SETDB2: variants seen among roughly 807,000 people sequenced by gnomAD.
The protein encoded by SETDB2 is SET domain bifurcated histone lysine methyltransferase 2, also known as histone-lysine N-methyltransferase SETDB2.
Under a neutral mutation model 82.5 loss-of-function variants are expected in SETDB2, and 56 were observed. That is an observed-to-expected ratio of 0.68 (90% CI 0.55 to 0.85). SETDB2 has a LOEUF of 0.85. SETDB2 is among the 40% of genes least tolerant of loss of function. The pLI, the probability that SETDB2 is intolerant of heterozygous loss-of-function variation, is 0.00. For missense variants in SETDB2, 677 were observed against 816.4 expected, an observed-to-expected ratio of 0.83 and a Z score of 2.08; for synonymous variants, 272 against 284.9, an observed-to-expected ratio of 0.95 and a Z score of 0.46.
At chr13:49,489,667 G>C (rs1958665981) in intron 12 of SETDB2, among the ~76,000 whole-genome samples, 1 of 135,094 alleles carries the variant, frequency 7.4e-6, no homozygotes, top group Non-Finnish European at 1.5e-5. Flanking sequence ...TGTGATCTCG[G>C]CCCACTGCGA....
chr13:49,471,420 CT>C (rs200346844), intron 5 of SETDB2, among the ~76,000 whole-genome samples: 16,692 of 132,640 alleles, frequency 0.13, 886 homozygotes, highest in East Asian at 0.19. Context: ...TCTGAATTCC[CT>C]TTTTTTTTTT....
chr13:49,465,625 C>T (rs1427382651), intron 4 of SETDB2, among the ~76,000 whole-genome samples: 3 of 152,106 alleles, frequency 2.0e-5, no homozygotes, highest in African/African-American at 4.8e-5. Flanking sequence ...CAACTTCCGC[C>T]TCCCGGGTTC....
At chr13:49,467,645 G>T (rs1958143695) in intron 4 of SETDB2, among the ~76,000 whole-genome samples, 1 of 152,192 alleles carries the variant, frequency 6.6e-6, no homozygotes, top group Non-Finnish European at 1.5e-5. Context: ...AGTTTCTACA[G>T]TAGAAATCTT....
rs1958717835 is a variant in SETDB2, at chr13:49,491,782, G to C, written c.2057G>C (p.Gly686Ala). 1 of 1,613,232 alleles carries C rather than the reference G, an allele frequency of 6.2e-7. No individual in the cohort carries two copies. Among genetic ancestry groups the C allele is most frequent in the Non-Finnish European group, 8.5e-7 (1 of 1,179,844 alleles). ...ACATGGGATTATGGCTATGAAGCTG[G>C]GACTGTGCCTGAGAAGGAAATCTTC... ...ELTWDYGYEA[G>A]TVPEKEIFCQ... Residue 686 changes from glycine to alanine, a missense_variant, in exon 14 of 14, where the codon GGG (glycine) becomes GCG (alanine). Around this residue, in one of 3 missense-constraint regions of SETDB2, gnomAD observed 420 missense variants for 554.6 expected, o/e 0.76. Coordinates refer to ENST00000611815, the MANE Select transcript of SETDB2 (RefSeq NM_001160308.3).
chr13:49,463,936 G>A, intron 4 of SETDB2: 1 of 704,914 alleles, frequency 1.4e-6, no homozygotes, highest in South Asian at 1.5e-5. Context: ...GCCTATTGCT[G>A]CCTCTGGGAT....
chr13:49,459,144 A>G (rs532288834), intron 2 of SETDB2, among the ~76,000 whole-genome samples: 1 of 152,184 alleles, frequency 6.6e-6, no homozygotes, highest in African/African-American at 2.4e-5. Context: ...AGAGGCCACT[A>G]TGTTGGCAGC....
At chr13:49,448,140 AG>A (rs1371322042) in intron 1 of SETDB2, among the ~76,000 whole-genome samples, 1 of 152,156 alleles carries the variant, frequency 6.6e-6, no homozygotes, top group Non-Finnish European at 1.5e-5. Context: ...TAATGGACCT[AG>A]TGAACTAGCA....
Position 49,444,807 on chromosome 13 carries a change from A to T in SETDB2, c.-392A>T, listed in dbSNP as rs932074189. On this transcript the variant is annotated 5_prime_UTR_variant, in exon 1 of 14. Transcript: ENST00000611815. ...GGGGCGGCAGGAAATGGACAGCAGTATAAAACCCAGAAGCAGAACTTGAAG... is the reference window on the plus strand; with the variant it reads ...GGGGCGGCAGGAAATGGACAGCAGTTTAAAACCCAGAAGCAGAACTTGAAG... The T allele has an allele frequency of 6.6e-6, 1 of 152,452 alleles. No homozygotes were observed. The highest frequency in any genetic ancestry group is 2.4e-5 in the African/African-American group (1 of 41,460). 9.4% of individuals were successfully genotyped at this position (152,452 alleles called of 1,614,324 possible). A position where few individuals can be genotyped will look rare whatever the true frequency, so the allele number is the denominator to read the frequency against.
chr13:49,490,924 T>C lies in SETDB2; in HGVS notation c.2006+14T>C. 1 of 1,594,888 alleles carries C rather than the reference T, an allele frequency of 6.3e-7. No homozygotes were observed. The highest frequency in any genetic ancestry group is 8.6e-7 in the Non-Finnish European group (1 of 1,163,098). On this transcript the variant is annotated intron_variant, in intron 13 of 13. Transcript: ENST00000611815. ...CTTCACCAACAGGTTTGAAATTGAT[T>C]TCGCTTACTTAATTCTGAAATTGTG...
chr13:49,490,958 A>C, intron 13 of SETDB2, 48 bp downstream of exon 13: 1 of 1,493,386 alleles, frequency 6.7e-7, no homozygotes, highest in Non-Finnish European at 9.3e-7. Flanking sequence ...TGACTTTAAA[A>C]ATAACAATAG....
At chr13:49,471,135 A>G (rs956324619) in intron 5 of SETDB2, among the ~76,000 whole-genome samples, 2 of 126,500 alleles carry the variant, frequency 1.6e-5, no homozygotes, top group African/African-American at 5.6e-5. Flanking sequence ...ACACCTGGCT[A>G]ATTTTTAACA....
chr13:49,491,485 C>CA (rs1056937699), intron 13 of SETDB2, among the ~76,000 whole-genome samples: 1 of 152,194 alleles, frequency 6.6e-6, no homozygotes, highest in Non-Finnish European at 1.5e-5. Context: ...GACTGGGTCC[C>CA]ACTGTTGGCA....
At chr13:49,471,551 C>T (rs1486273902) in intron 5 of SETDB2, among the ~76,000 whole-genome samples, 1 of 151,518 alleles carries the variant, frequency 6.6e-6, no homozygotes, top group Non-Finnish European at 1.5e-5. Flanking sequence ...TACTGGGTGA[C>T]ACTGGGCTTG....
chr13:49,451,855 A>G lies in SETDB2; in HGVS notation c.-39A>G. ...GCAATCAAAGTGATTTGATAAACCTAATTTTGAAGCATTTTATATTTATAA... is the reference window on the plus strand; with the variant it reads ...GCAATCAAAGTGATTTGATAAACCTGATTTTGAAGCATTTTATATTTATAA... On this transcript the variant is annotated 5_prime_UTR_variant, in exon 2 of 14. Coordinates refer to ENST00000611815, the MANE Select transcript of SETDB2 (RefSeq NM_001160308.3). The G allele has an allele frequency of 6.4e-7, 1 of 1,552,138 alleles. No homozygotes were observed. Among genetic ancestry groups the G allele is most frequent in the Non-Finnish European group, 8.8e-7 (1 of 1,134,578 alleles).
At chr13:49,456,943 A>G (rs907938798) in intron 2 of SETDB2, among the ~76,000 whole-genome samples, 1 of 152,228 alleles carries the variant, frequency 6.6e-6, no homozygotes, top group African/African-American at 2.4e-5. Flanking sequence ...AAACCTAGCA[A>G]TATGAGATAA....
chr13:49,447,663 A>T (rs1416720843), intron 1 of SETDB2, among the ~76,000 whole-genome samples: 2 of 152,084 alleles, frequency 1.3e-5, no homozygotes, highest in African/African-American at 2.4e-5. Context: ...TTGCCTGTTA[A>T]TATAAGCATT....
chr13:49,479,272 GA>G (rs1412773297), intron 6 of SETDB2, among the ~76,000 whole-genome samples: 1 of 152,104 alleles, frequency 6.6e-6, no homozygotes, highest in Non-Finnish European at 1.5e-5. Flanking sequence ...TATATACAGG[GA>G]AGAGAACTAG....
chr13:49,449,844 T>C (rs922895148), intron 1 of SETDB2, among the ~76,000 whole-genome samples: 1 of 152,246 alleles, frequency 6.6e-6, no homozygotes, highest in Non-Finnish European at 1.5e-5. Context: ...TGCTCACTAT[T>C]GCTACGTATA....
chr13:49,490,750 T>C (rs1188657449), intron 12 of SETDB2, 72 bp from the exon 13 acceptor site: 2 of 1,100,954 alleles, frequency 1.8e-6, no homozygotes, highest in African/African-American at 1.6e-5. Context: ...ACAGAATGGT[T>C]TTCTAATGCA....
Sources: allele counts gnomAD v4.1 joint callset (sites outside exome capture counted in the v4.1 genomes callset), GRCh38; gene constraint gnomAD v4.1.1; regional missense constraint gnomAD v4.1.1; transcripts MANE v1.5; gene names NCBI Gene and HGNC (gene_info 2026-07-23, HGNC 2026-07-21).